Variants in PCDHGA7 observed in about 807,000 individuals in gnomAD.
PCDHGA7 encodes the protein protocadherin gamma-A7.
PCDHGA7 carries 44 observed loss-of-function variants against 58.3 expected under a neutral mutation model. That is an observed-to-expected ratio of 0.75 (90% CI 0.59 to 0.97). The LOEUF is 0.97. Among genes scored for constraint, PCDHGA7 ranks in the 50% least tolerant of loss-of-function variants. PCDHGA7 has a pLI of 0.00. For synonymous variants in PCDHGA7, 516 were observed against 504.2 expected (o/e 1.02, Z -0.31); for missense variants, 1,266 against 1,188.7 (o/e 1.06, Z -0.96).
intron 1 of PCDHGA7, chr5:141,420,154 T>C (rs2096470856): frequency 2.5e-6 from 4 of 1,613,948 alleles, no homozygotes; most frequent in Non-Finnish European, 2.5e-6. Flanking sequence ...ATCCAGAATT[T>C]AATTTTTTCA....
At chr5:141,388,858 T>C (rs1217000654) in intron 1 of PCDHGA7, 1 of 1,613,984 alleles carries the variant, frequency 6.2e-7, no homozygotes, top group Non-Finnish European at 8.5e-7. Context: ...GGTGGAGGAA[T>C]GATTGCGCAA....
intron 1 of PCDHGA7, chr5:141,478,776 A>G (rs961079570): frequency 1.3e-6 from 2 of 1,488,690 alleles, no homozygotes; most frequent in East Asian, 2.5e-5. Flanking sequence ...TCATCTGTGG[A>G]CCTAATTCAC....
chr5:141,383,876 G>T lies in PCDHGA7; in HGVS notation c.977G>T (p.Gly326Val), dbSNP rs747987128. 6.2e-7 allele frequency: 1 copy of T among 1,613,978 alleles called. No homozygotes were observed. Among genetic ancestry groups the T allele is most frequent in the South Asian group, 1.1e-5 (1 of 91,088 alleles). ...EMEVQAQDGP[G>V]SLTKAKVLIT... Reference sequence around the variant, plus strand: ...GAGGTTCAGGCTCAAGATGGTCCTGGTAGTCTGACAAAGGCAAAAGTACTG... The same window carrying T: ...GAGGTTCAGGCTCAAGATGGTCCTGTTAGTCTGACAAAGGCAAAAGTACTG... Residue 326 changes from glycine (G) to valine (V), a missense_variant, in exon 1 of 4, where the codon GGT (glycine) becomes GTT (valine). By Grantham distance (109) the Gly-to-Val change is moderately radical. Transcript: ENST00000518325.
chr5:141,390,137 T>C lies in PCDHGA7; in HGVS notation c.2424+4814T>C, dbSNP rs373308909. The stretch of plus-strand genomic sequence containing the variant: ...AGGGGACTTTGCCTTATTCCTACAA[T>C]CTATGTGTTGCACATACAGGAAAGA... On this transcript the variant is annotated intron_variant, in intron 1 of 3. Coordinates refer to ENST00000518325, the MANE Select transcript of PCDHGA7 (RefSeq NM_018920.4). 3.1e-4 allele frequency: 506 copies of C among 1,614,052 alleles called. 2 individuals carry two copies. The African/African-American group carries it at 6.2e-3, about 20-fold the overall frequency.
chr5:141,405,231 C>A, intron 1 of PCDHGA7: 1 of 1,614,130 alleles, frequency 6.2e-7, no homozygotes, highest in Non-Finnish European at 8.5e-7. Flanking sequence ...TTCTCCCTCA[C>A]CGCTGACTCA....
At chr5:141,414,161 GA>G (rs1351073953) in intron 1 of PCDHGA7, 1 of 1,603,276 alleles carries the variant, frequency 6.2e-7, no homozygotes, top group Admixed American at 1.7e-5. Context: ...GAAGATGGAG[GA>G]GCATATCTTG....
rs764692908 is a variant in PCDHGA7 at position 141,431,246 on chromosome 5, G to C, written c.2424+45923G>C. On this transcript the variant is annotated intron_variant, in intron 1 of 3. Coordinates refer to ENST00000518325, the MANE Select transcript of PCDHGA7 (RefSeq NM_018920.4). The surrounding 1 kb of genome is among the most constrained non-coding windows in gnomAD (Gnocchi z 4.8). ...ACCCCACGCCTGGGATCCGGATATC[G>C]GGAAGAACTCTCTGCAGAGCTACGA... 9 of 1,613,982 alleles carry C rather than the reference G, an allele frequency of 5.6e-6. No individual in the cohort carries two copies. Among genetic ancestry groups the C allele is most frequent in the Non-Finnish European group, 7.6e-6 (9 of 1,180,050 alleles).
chr5:141,384,493 G>A lies in PCDHGA7; in HGVS notation c.1594G>A (p.Val532Met), dbSNP rs370485526. The A allele has an allele frequency of 6.2e-7, 1 of 1,614,056 alleles. No individual in the cohort carries two copies. The highest frequency in any genetic ancestry group is 1.3e-5 in the African/African-American group (1 of 74,948). ...YEQLRELQLRVTAHDSGDPPL... is the reference protein window; with the variant it reads ...YEQLRELQLRMTAHDSGDPPL... ...GCAGTTGAGAGAACTACAACTAAGA[G>A]TGACTGCACATGACAGCGGGGACCC... The change falls in exon 1 of 4, where the codon GTG becomes ATG. Residue 532 changes from valine (V) to methionine (M), a missense_variant. Physicochemically the swap from Val to Met is conservative, Grantham distance 21 (BLOSUM62 1). Coordinates refer to ENST00000518325, the MANE Select transcript of PCDHGA7 (RefSeq NM_018920.4).
Position 141,477,486 on chromosome 5 carries a change from C to A in PCDHGA7, c.2425-17321C>A. On this transcript the variant is annotated intron_variant, in intron 1 of 3. Coordinates refer to ENST00000518325, the MANE Select transcript of PCDHGA7 (RefSeq NM_018920.4). This position sits in a 1 kb window ranked among gnomAD's most constrained non-coding sequence, Gnocchi z 4.9. ...GACATCAATGACAACCCTCCACAAT[C>A]TTCTCAATCTTCCTACGACGTTTAC... is the stretch of plus-strand genomic sequence containing the variant. The A allele has an allele frequency of 6.2e-7, 1 of 1,614,170 alleles. No homozygotes were observed. The highest frequency in any genetic ancestry group is 8.5e-7 in the Non-Finnish European group (1 of 1,180,040).
intron 3 of PCDHGA7, among the ~76,000 whole-genome samples, chr5:141,506,189 G>A (rs529165145): frequency 3.6e-4 from 55 of 152,262 alleles, no homozygotes; most frequent in African/African-American, 1.1e-3. Flanking sequence ...GGTGGCTCAC[G>A]CCTGTAATCC....
intron 1 of PCDHGA7, chr5:141,422,865 C>G: frequency 1.2e-6 from 2 of 1,614,244 alleles, no homozygotes; most frequent in Non-Finnish European, 1.7e-6. Context: ...TCAGCAGCAA[C>G]GTGTCGCTGA....
intron 1 of PCDHGA7, chr5:141,392,765 C>T (rs952463522): frequency 2.7e-6 from 4 of 1,482,974 alleles, no homozygotes; most frequent in Admixed American, 5.1e-5. Flanking sequence ...TAAATAAGAC[C>T]CATTTATGCA....
In PCDHGA7 at chr5:141,511,342, C is replaced by G. The variant is rs2099883728; in HGVS notation, c.*169C>G. The stretch of plus-strand genomic sequence containing the variant: ...AACAAGTGCCCAGTCAGCACCTACC[C>G]CTTCCCCCCCAGGGGGTTGAATATG... On this transcript the variant is annotated 3_prime_UTR_variant, in exon 4 of 4. Coordinates refer to ENST00000518325, the MANE Select transcript of PCDHGA7 (RefSeq NM_018920.4). 1 of 1,424,960 alleles carries G rather than the reference C, an allele frequency of 7.0e-7. No homozygotes were observed. Among genetic ancestry groups the G allele is most frequent in the Admixed American group, 2.6e-5 (1 of 38,556 alleles). 88.3% of individuals were successfully genotyped at this position (1,424,960 alleles called of 1,614,324 possible).
Position 141,383,564 on chromosome 5 carries a change from G to A in PCDHGA7, c.665G>A (p.Arg222Gln), listed in dbSNP as rs767546411. The change falls in exon 1 of 4, where the codon CGA (arginine) becomes CAA (glutamine). Residue 222 changes from arginine to glutamine, a missense_variant. By Grantham distance (43) the Arg-to-Gln change is conservative (BLOSUM62 1). Coordinates refer to ENST00000518325, the MANE Select transcript of PCDHGA7 (RefSeq NM_018920.4). Reference protein sequence around the residue: ...LTASDGGDPPRSSTAHIQVTV... With the variant: ...LTASDGGDPPQSSTAHIQVTV... ...GCCTCTGATGGCGGCGACCCGCCCC[G>A]ATCCAGCACCGCCCACATCCAGGTG... 6.2e-6 allele frequency: 10 copies of A among 1,612,926 alleles called. No homozygotes were observed. In the East Asian group the frequency reaches 6.7e-5, roughly 11 times the overall value.
Position 141,489,980 on chromosome 5 carries a change from T to G in PCDHGA7, c.2425-4827T>G, listed in dbSNP as rs2099694325. 1.2e-6 allele frequency: 2 copies of G among 1,614,204 alleles called. No individual in the cohort carries two copies. The highest frequency in any genetic ancestry group is 1.7e-6 in the Non-Finnish European group (2 of 1,180,012). On this transcript the variant is annotated intron_variant, in intron 1 of 3. Transcript: ENST00000518325. This position sits in a 1 kb window ranked among gnomAD's most constrained non-coding sequence, Gnocchi z 4.5. ...GCTCCAACCTTCCAATCCTCAGTTC[T>G]ACGTGTGGGAATCCCAGAGAATGCA...
chr5:141,446,797 A>G lies in PCDHGA7; in HGVS notation c.2425-48010A>G, dbSNP rs559881142. ...CCATTCTTTTACTCTGAGTTCTTCC[A>G]TTGTGATCATCTAGTCAGATGGGTA... is the stretch of plus-strand genomic sequence containing the variant. On this transcript the variant is annotated intron_variant, in intron 1 of 3. Coordinates refer to ENST00000518325, the MANE Select transcript of PCDHGA7 (RefSeq NM_018920.4). Among the ~76,000 whole-genome samples, 48 of 152,224 alleles carry G rather than the reference A, an allele frequency of 3.2e-4. No individual in the cohort carries two copies. In the South Asian group the frequency reaches 7.3e-3, roughly 23 times the overall value.
chr5:141,444,237 T>G (rs1315900009), intron 1 of PCDHGA7, among the ~76,000 whole-genome samples: 1 of 137,132 alleles, frequency 7.3e-6, no homozygotes, highest in Admixed American at 8.0e-5. Flanking sequence ...AATGGCATGC[T>G]CTCGGCTCAC....
intron 1 of PCDHGA7, chr5:141,404,764 C>G: frequency 6.2e-7 from 1 of 1,613,920 alleles, no homozygotes; most frequent in Non-Finnish European, 8.5e-7. Context: ...ATGCTTGGCT[C>G]TCCTACCGCC....
At chr5:141,386,634 G>A (rs1351043708) in intron 1 of PCDHGA7, among the ~76,000 whole-genome samples, 2 of 151,884 alleles carry the variant, frequency 1.3e-5, no homozygotes, top group Non-Finnish European at 2.9e-5. Context: ...CTGTCACCCA[G>A]GCTGGATACA....
Sources: allele counts gnomAD v4.1 joint callset (sites outside exome capture counted in the v4.1 genomes callset), GRCh38; gene constraint gnomAD v4.1.1; non-coding constraint Gnocchi (gnomAD v3.1); transcripts MANE v1.5; gene names NCBI Gene and HGNC (gene_info 2026-07-23, HGNC 2026-07-21).